The following SLC24A2 variants were observed in gnomAD, a reference collection of about 807,000 sequenced individuals.
SLC24A2 encodes the protein solute carrier family 24 member 2, also known as sodium/potassium/calcium exchanger 2.
SLC24A2 carries 36 observed loss-of-function variants against 62.0 expected under a neutral mutation model. The ratio of observed to expected loss-of-function variants is 0.58; its 90% CI spans 0.44 to 0.77. The LOEUF (loss-of-function observed/expected upper bound fraction) is 0.77. Ranked by LOEUF, SLC24A2 falls within the 30% of genes least tolerant of loss-of-function variation. The pLI is 0.00. For synonymous variants in SLC24A2, 358 were observed against 294.0 expected (o/e 1.22, Z -2.23); for missense variants, 846 against 817.9 (o/e 1.03, Z -0.42).
At chr9:20,165,781 T>A in the SLC24A2 span, among the ~76,000 whole-genome samples, 3 of 151,698 alleles carry the variant, frequency 2.0e-5, no homozygotes, top group African/African-American at 7.3e-5. Context: ...AATGAAAAAA[T>A]TGATAAATTT....
rs147578267 is a variant in SLC24A2 at position 19,730,487 on chromosome 9, G to A, written c.930+55450C>T. ...AGAAAACAACCTAAATTGCCCACCA[G>A]TAGGCGAACAGTTAAATGACTTCAC... is the stretch of plus-strand genomic sequence containing the variant. On this transcript the variant is annotated intron_variant, in intron 2 of 10. Transcript: ENST00000341998. Among the ~76,000 whole-genome samples, 7 of 152,252 alleles carry A rather than the reference G, an allele frequency of 4.6e-5. No homozygotes were observed. In the East Asian group the frequency reaches 1.4e-3, roughly 29 times the overall value.
the SLC24A2 span, among the ~76,000 whole-genome samples, chr9:19,851,792 C>G: frequency 6.6e-6 from 1 of 152,146 alleles, no homozygotes; most frequent in African/African-American, 2.4e-5. Flanking sequence ...AATGAACATA[C>G]AAGTGCATGT....
chr9:20,069,832 T>G, the SLC24A2 span, among the ~76,000 whole-genome samples: 4 of 152,358 alleles, frequency 2.6e-5, no homozygotes, highest in East Asian at 7.7e-4. Flanking sequence ...ATTATTTACT[T>G]ATCTGTCTCC....
At chr9:19,877,555 A>T in the SLC24A2 span, among the ~76,000 whole-genome samples, 11 of 151,876 alleles carry the variant, frequency 7.2e-5, no homozygotes, top group Non-Finnish European at 1.5e-4. Flanking sequence ...GTGAAGGAGT[A>T]TGGGAATGTA....
chr9:19,812,261 T>G, the SLC24A2 span, among the ~76,000 whole-genome samples: 2 of 152,274 alleles, frequency 1.3e-5, no homozygotes, highest in African/African-American at 4.8e-5. Flanking sequence ...ATTTCTTCAA[T>G]TTTCCCCCAT....
chr9:19,919,670 C>A, the SLC24A2 span, among the ~76,000 whole-genome samples: 1 of 152,164 alleles, frequency 6.6e-6, no homozygotes, highest in South Asian at 2.1e-4. Flanking sequence ...AATTGACTCA[C>A]AGTTCTGCAG....
chr9:19,736,941 A>G (rs1821528631), intron 2 of SLC24A2, among the ~76,000 whole-genome samples: 3 of 152,256 alleles, frequency 2.0e-5, no homozygotes, highest in Admixed American at 1.3e-4. Flanking sequence ...ATAGCTTCAA[A>G]AAAGACAAAG....
chr9:20,186,525 GCCA>G, the SLC24A2 span, among the ~76,000 whole-genome samples: 1 of 152,082 alleles, frequency 6.6e-6, no homozygotes, highest in Non-Finnish European at 1.5e-5. Context: ...CTCATCCTTT[GCCA>G]GCTACCTACC....
At chr9:20,162,155 T>C in the SLC24A2 span, among the ~76,000 whole-genome samples, 1 of 151,826 alleles carries the variant, frequency 6.6e-6, no homozygotes, top group East Asian at 2.0e-4. Context: ...TTCCAGGGAC[T>C]GAGGCAGGAG....
At chr9:20,142,642 G>A in the SLC24A2 span, among the ~76,000 whole-genome samples, 1 of 152,072 alleles carries the variant, frequency 6.6e-6, no homozygotes, top group Non-Finnish European at 1.5e-5. Flanking sequence ...TGCAGCCTGG[G>A]ATGAAGTGCA....
At chr9:19,699,295 G>A (rs1820287816) in intron 2 of SLC24A2, among the ~76,000 whole-genome samples, 2 of 152,122 alleles carry the variant, frequency 1.3e-5, no homozygotes, top group South Asian at 4.1e-4. Flanking sequence ...CAAATTCAAA[G>A]AAGAATTTGT....
the SLC24A2 span, among the ~76,000 whole-genome samples, chr9:19,990,748 C>G: frequency 2.0e-5 from 3 of 149,924 alleles, no homozygotes; most frequent in African/African-American, 7.4e-5. Context: ...TTATGCTGGC[C>G]CTCTCCATCC....
chr9:19,544,564 G>C (rs1164586120), intron 8 of SLC24A2, among the ~76,000 whole-genome samples: 2 of 152,128 alleles, frequency 1.3e-5, no homozygotes, highest in South Asian at 2.1e-4. Flanking sequence ...GCAGTGGCTG[G>C]TTCCAGTTGT....
chr9:20,209,961 C>G, the SLC24A2 span, among the ~76,000 whole-genome samples: 1 of 152,162 alleles, frequency 6.6e-6, no homozygotes, highest in Non-Finnish European at 1.5e-5. Context: ...TCTCTCAATA[C>G]CTCAAGTGAA....
rs544364289 is a variant in SLC24A2, at chr9:19,672,996, G to A, written c.931-50697C>T. 1.9e-4 allele frequency among the ~76,000 whole-genome samples: 28 copies of A among 146,572 alleles called. 1 individual carries two copies. Among genetic ancestry groups the A allele is most frequent in the Admixed American group, 1.6e-3 (24 of 15,006 alleles). On this transcript the variant is annotated intron_variant, in intron 2 of 10. Transcript: ENST00000341998. The stretch of plus-strand genomic sequence containing the variant: ...AGAATGTTCCATGTGCTGGTCAACA[G>A]AATGTATATTCTGCAGTTGTTGGGT...
chr9:20,108,552 C>T, the SLC24A2 span, among the ~76,000 whole-genome samples: 54 of 152,230 alleles, frequency 3.5e-4, 1 homozygote, highest in South Asian at 0.011. Context: ...TTTGTAGGGA[C>T]ATGGATGAAG....
At chr9:20,210,721 G>T in the SLC24A2 span, among the ~76,000 whole-genome samples, 1 of 135,118 alleles carries the variant, frequency 7.4e-6, no homozygotes, top group Non-Finnish European at 1.5e-5. Flanking sequence ...AGCCAGGATG[G>T]TCTGGATCTC....
At chr9:19,554,652 G>C (rs1834994277) in intron 7 of SLC24A2, among the ~76,000 whole-genome samples, 1 of 152,234 alleles carries the variant, frequency 6.6e-6, no homozygotes, top group African/African-American at 2.4e-5. Context: ...TGTATTGGAA[G>C]TGTCCTTCAT....
intron 7 of SLC24A2, among the ~76,000 whole-genome samples, chr9:19,551,484 C>T (rs1040169735): frequency 3.9e-5 from 6 of 152,150 alleles, no homozygotes; most frequent in Non-Finnish European, 8.8e-5. Context: ...GCACTGTAGA[C>T]ATCATCAATC....
Sources: allele counts gnomAD v4.1 joint callset (sites outside exome capture counted in the v4.1 genomes callset), GRCh38; gene constraint gnomAD v4.1.1; transcripts MANE v1.5; gene names NCBI Gene and HGNC (gene_info 2026-07-23, HGNC 2026-07-21).